Variants in RBL2 observed in about 807,000 individuals in gnomAD.
RBL2 encodes the protein retinoblastoma-like protein 2.
A neutral mutation model predicts 126.0 loss-of-function variants in RBL2; 56 were observed. The observed-to-expected ratio is 0.44, with a 90% CI of 0.36 to 0.56. The LOEUF (loss-of-function observed/expected upper bound fraction) is 0.56, where lower values mean the gene tolerates loss of function less well. Ranked by LOEUF, RBL2 falls within the 20% of genes least tolerant of loss-of-function variation. The probability of loss-of-function intolerance (pLI) is 0.00; values close to 1 mark genes in which losing one functional copy is unlikely to be tolerated. For synonymous variants in RBL2, 454 were observed against 478.5 expected (o/e 0.95, Z 0.67); for missense variants, 1,229 against 1,398.2 (o/e 0.88, Z 1.93).
intron 17 of RBL2, 94 bp downstream of exon 17, chr16:53,471,016 A>G: frequency 4.6e-6 from 6 of 1,290,544 alleles, no homozygotes; most frequent in Non-Finnish European, 5.3e-6. Flanking sequence ...TACATGCTCT[A>G]TAATTCACCT....
intron 17 of RBL2, among the ~76,000 whole-genome samples, chr16:53,473,224 G>A (rs187695658): frequency 6.6e-6 from 1 of 152,118 alleles, no homozygotes; most frequent in African/African-American, 2.4e-5. Flanking sequence ...GTTTCACAAA[G>A]GAATAAGCTA....
intron 4 of RBL2, among the ~76,000 whole-genome samples, chr16:53,450,278 A>G (rs2058102691): frequency 6.6e-6 from 1 of 152,128 alleles, no homozygotes; most frequent in African/African-American, 2.4e-5. Context: ...TGCTTTGTAT[A>G]CGCTGAGGTA....
At chr16:53,476,227 TTC>T (rs1960724708) in intron 17 of RBL2, among the ~76,000 whole-genome samples, 1 of 152,186 alleles carries the variant, frequency 6.6e-6, no homozygotes, top group Admixed American at 6.5e-5. Context: ...CAAAAGTATT[TTC>T]TGATTTCTTT....
At position 53,440,132 on chromosome 16, in the gene RBL2, C is replaced by T. The variant is rs560668561; in HGVS notation, c.371+986C>T. Reference sequence around the variant, plus strand: ...CCAATATGGTGAAACCCCGTCTCAACTAAAAATACAAAAATTAGCCGAGTG... The same window carrying T: ...CCAATATGGTGAAACCCCGTCTCAATTAAAAATACAAAAATTAGCCGAGTG... On this transcript the variant is annotated intron_variant, in intron 2 of 21. Transcript: ENST00000262133. Among the ~76,000 whole-genome samples, 21 of 152,008 alleles carry T rather than the reference C, an allele frequency of 1.4e-4. No homozygotes were observed. The East Asian group carries it at 4.1e-3, about 29-fold the overall frequency.
chr16:53,446,640 AGGAG>A (rs546792348), intron 3 of RBL2, among the ~76,000 whole-genome samples: 9 of 152,194 alleles, frequency 5.9e-5, no homozygotes, highest in African/African-American at 9.6e-5. Context: ...AATATCTTTA[AGGAG>A]GGAGGGAGGG....
intron 20 of RBL2, 186 bp from the exon 21 acceptor site, chr16:53,481,485 T>C: frequency 1.9e-6 from 1 of 539,748 alleles, no homozygotes; most frequent in Non-Finnish European, 3.1e-6. Context: ...AAATAATAAC[T>C]GGCACAAACT....
At chr16:53,439,221 C>G in intron 2 of RBL2, 75 bp downstream of exon 2, 16 of 1,286,342 alleles carry the variant, frequency 1.2e-5, no homozygotes, top group Non-Finnish European at 1.5e-5. Context: ...TAAGAATTAT[C>G]TCTGTTTATC....
chr16:53,434,916 G>T (rs1234104130), intron 1 of RBL2, 120 bp downstream of exon 1: 7 of 1,350,844 alleles, frequency 5.2e-6, no homozygotes, highest in African/African-American at 1.5e-5. Flanking sequence ...CCCGAGAGGG[G>T]TGGGGACTTC....
chr16:53,477,404 C>G (rs1227536671), intron 17 of RBL2, among the ~76,000 whole-genome samples: 1 of 152,188 alleles, frequency 6.6e-6, no homozygotes, highest in Non-Finnish European at 1.5e-5. Flanking sequence ...GCGGTGCAAT[C>G]TCAACTCACT....
intron 3 of RBL2, among the ~76,000 whole-genome samples, chr16:53,444,552 T>TAATA (rs34915161): frequency 0.035 from 5,088 of 143,328 alleles, 138 homozygotes; most frequent in Admixed American, 0.095. Flanking sequence ...GACTCCATTT[T>TAATA]AATAAATAAA....
At chr16:53,482,355 G>A (rs1960987615) in intron 21 of RBL2, among the ~76,000 whole-genome samples, 1 of 152,220 alleles carries the variant, frequency 6.6e-6, no homozygotes, top group Non-Finnish European at 1.5e-5. Context: ...TCAGGGAGCT[G>A]TTGAGGTATG....
chr16:53,480,399 A>G lies in RBL2; in HGVS notation c.2882-168A>G, dbSNP rs1379017840. 3 of 630,988 alleles carry G rather than the reference A, an allele frequency of 4.8e-6. No individual in the cohort carries two copies. The Admixed American group carries it at 8.7e-5, about 18-fold the overall frequency. 39.1% of individuals were successfully genotyped at this position (630,988 alleles called of 1,614,324 possible). On this transcript the variant is annotated intron_variant, in intron 19 of 21. Coordinates refer to ENST00000262133, the MANE Select transcript of RBL2 (RefSeq NM_005611.4). ...TGCTATGGTTATGGCATAGGGAGAA[A>G]GTTAATATCCTAGCTGAGCTTTGCT...
chr16:53,457,926 T>A (rs530159360), intron 8 of RBL2, among the ~76,000 whole-genome samples: 1 of 152,184 alleles, frequency 6.6e-6, no homozygotes, highest in Non-Finnish European at 1.5e-5. Context: ...TTCTCCTGTT[T>A]GTGTACAAGG....
At position 53,479,168 on chromosome 16, in the gene RBL2, T is replaced by G. The variant is rs1166638957; in HGVS notation, c.2718T>G (p.Asp906Glu). 1 of 1,613,662 alleles carries G rather than the reference T, an allele frequency of 6.2e-7. No homozygotes were observed. Among genetic ancestry groups the G allele is most frequent in the African/African-American group, 1.3e-5 (1 of 74,920 alleles). Reference sequence around the variant, plus strand: ...TTGTTTGCCAGGTCACAAAAGAAGATAAGTCCTTCCAGAACATTATGCGTT... The same window carrying G: ...TTGTTTGCCAGGTCACAAAAGAAGAGAAGTCCTTCCAGAACATTATGCGTT... ...IYVMAKVTKEDKSFQNIMRCY... is the reference protein window; with the variant it reads ...IYVMAKVTKEEKSFQNIMRCY... The change falls in exon 18 of 22, where the codon GAT (aspartate) becomes GAG (glutamate). Residue 906 changes from aspartate to glutamate, a missense_variant. By Grantham distance (45) the Asp-to-Glu change is conservative. This residue lies in a region of RBL2 where 1,070 missense variants were observed against 1,274.3 expected (regional missense o/e 0.84). Transcript: ENST00000262133.
At chr16:53,472,961 T>C (rs1386493658) in intron 17 of RBL2, among the ~76,000 whole-genome samples, 2 of 152,220 alleles carry the variant, frequency 1.3e-5, no homozygotes, top group Non-Finnish European at 2.9e-5. Context: ...AAGATTTTTT[T>C]CCTCACTGAA....
At chr16:53,453,675 ACG>A (rs762193099) in intron 6 of RBL2, 28 bp from the exon 7 acceptor site, 2 of 1,604,424 alleles carry the variant, frequency 1.2e-6, no homozygotes, top group Non-Finnish European at 1.7e-6. Context: ...ATTTAACATG[ACG>A]ACTTAAGGAT....
Position 53,435,695 on chromosome 16 carries a change from T to A in RBL2, c.240+899T>A, listed in dbSNP as rs745331231. ...ATTTCTCAAGTCGTTTTATAATTAA[T>A]TTGTAGAAAGAGTCGGGCAAATAGG... On this transcript the variant is annotated intron_variant, in intron 1 of 21. Transcript: ENST00000262133. 3.9e-6 allele frequency: 5 copies of A among 1,289,034 alleles called. No homozygotes were observed. The South Asian group carries it at 6.2e-5, about 16-fold the overall frequency. The allele number at this position is 1,289,034 out of a possible 1,614,324, so 79.8% of individuals were successfully genotyped here. A position where few individuals can be genotyped will look rare whatever the true frequency, so the allele number is the denominator to read the frequency against.
rs534546998 is a variant in RBL2, at chr16:53,434,970, C to A, written c.240+174C>A. Among the ~76,000 whole-genome samples the A allele has an allele frequency of 2.0e-5, 3 of 152,292 alleles. No individual in the cohort carries two copies. The East Asian group carries it at 5.8e-4, about 30-fold the overall frequency. ...CTCTTAGCCGCTCCGAGGGCTAACCCGCTCTCGCCGCGCTTTCCTGCGGCT... is the reference window on the plus strand; with the variant it reads ...CTCTTAGCCGCTCCGAGGGCTAACCAGCTCTCGCCGCGCTTTCCTGCGGCT... On this transcript the variant is annotated intron_variant, in intron 1 of 21. Transcript: ENST00000262133.
intron 5 of RBL2, among the ~76,000 whole-genome samples, chr16:53,452,833 A>T (rs959061994): frequency 4.0e-5 from 6 of 151,778 alleles, no homozygotes; most frequent in African/African-American, 1.5e-4. Flanking sequence ...CACCCAGCTA[A>T]TTTTTTTGTA....
Sources: allele counts gnomAD v4.1 joint callset (sites outside exome capture counted in the v4.1 genomes callset), GRCh38; gene constraint gnomAD v4.1.1; regional missense constraint gnomAD v4.1.1; transcripts MANE v1.5; gene names NCBI Gene and HGNC (gene_info 2026-07-23, HGNC 2026-07-21).